CACNA1A: variants seen among roughly 807,000 people sequenced by gnomAD.
The protein encoded by CACNA1A is calcium voltage-gated channel subunit alpha1 A.
In CACNA1A, 57 loss-of-function variants were observed where a neutral mutation model predicts 262.4. That is an observed-to-expected ratio of 0.22 (90% confidence interval 0.18 to 0.27). The LOEUF is 0.27. CACNA1A is among the 10% of genes least tolerant of loss of function. The pLI, the probability that CACNA1A is intolerant of heterozygous loss-of-function variation, is 1.00. For missense variants in CACNA1A, 2,526 were observed against 3,562.8 expected (o/e 0.71, Z 7.41); for synonymous variants, 1,431 against 1,419.3 (o/e 1.01, Z -0.18).
intron 24 of CACNA1A, chr19:13,274,217 A>C (rs2057093669): frequency 6.6e-6 from 1 of 152,200 alleles, no homozygotes; most frequent in Non-Finnish European, 1.5e-5. Flanking sequence ...TTCATGATAC[A>C]TCTCCAGCTC....
At chr19:13,386,488 T>C (rs1359460032) in intron 3 of CACNA1A, among the ~76,000 whole-genome samples, 1 of 152,054 alleles carries the variant, frequency 6.6e-6, no homozygotes, top group Non-Finnish European at 1.5e-5. Context: ...GTAAGTACCT[T>C]AGAACTGAGG....
intron 38 of CACNA1A, among the ~76,000 whole-genome samples, chr19:13,222,699 C>CT (rs536350776): frequency 1.9e-3 from 274 of 142,788 alleles, no homozygotes; most frequent in Non-Finnish European, 2.6e-3. Flanking sequence ...CCGGCCTCAG[C>CT]TTTTTTTTTT....
Position 13,207,805 on chromosome 19 carries a change from G to A in CACNA1A, c.7029C>T (p.Gly2343=). 6.9e-7 allele frequency: 1 copy of A among 1,445,502 alleles called. No homozygotes were observed. The highest frequency in any genetic ancestry group is 9.0e-7 in the Non-Finnish European group (1 of 1,106,794). The allele number at this position is 1,445,502 out of a possible 1,614,324, so 89.5% of individuals were successfully genotyped here. A position where few individuals can be genotyped will look rare whatever the true frequency, so the allele number is the denominator to read the frequency against. Residue 2343 remains glycine (G), a synonymous_variant, in exon 47 of 47, where the codon GGC becomes GGT. Transcript: ENST00000360228. This position sits in a 1 kb window ranked among gnomAD's most constrained non-coding sequence, Gnocchi z 5.7. ...CTCCGGCCAGAGGCTCGGCCGTGGGGCCTGGGTACCTCCGAGGGCCGCTGG... is the reference window on the plus strand; with the variant it reads ...CTCCGGCCAGAGGCTCGGCCGTGGGACCTGGGTACCTCCGAGGGCCGCTGG... ...AATSGPRRYP[G]PTAEPLAGDR...
rs974239326 is a variant in CACNA1A at position 13,372,088 on chromosome 19, T to C, written c.540-309A>G. 2.6e-5 allele frequency among the ~76,000 whole-genome samples: 4 copies of C among 152,114 alleles called. No homozygotes were observed. In the South Asian group the frequency reaches 8.3e-4, roughly 32 times the overall value. Reference sequence around the variant, plus strand: ...ATTCAGTATATTTCACAACCTACAATGACAATAGATTGTGGGGTGGCCTGG... The same window carrying C: ...ATTCAGTATATTTCACAACCTACAACGACAATAGATTGTGGGGTGGCCTGG... On this transcript the variant is annotated intron_variant, in intron 3 of 46. Transcript: ENST00000360228.
chr19:13,505,871 A>T, intron 1 of CACNA1A, 61 bp downstream of exon 1: 1 of 1,523,364 alleles, frequency 6.6e-7, no homozygotes, highest in Non-Finnish European at 9.0e-7. Flanking sequence ...AGCCTGGAAG[A>T]GGGGAGGCGG....
intron 31 of CACNA1A, among the ~76,000 whole-genome samples, chr19:13,240,497 CCAGTGTGTGTACATAGTGACTGTGCA>C (rs1222527586): frequency 6.8e-6 from 1 of 147,268 alleles, no homozygotes; most frequent in Non-Finnish European, 1.5e-5. Flanking sequence ...ACATGCAGTG[CCAGTGTGTGTACATAGTGACTGTGCA>C]CAGTGTGTGT....
chr19:13,376,260 C>T (rs965502404), intron 3 of CACNA1A, among the ~76,000 whole-genome samples: 1 of 152,122 alleles, frequency 6.6e-6, no homozygotes, highest in African/African-American at 2.4e-5. Context: ...GAAGAAGTTG[C>T]CATCTAGGAC....
chr19:13,492,571 C>T (rs1981019920), intron 1 of CACNA1A, among the ~76,000 whole-genome samples: 1 of 152,176 alleles, frequency 6.6e-6, no homozygotes, highest in African/African-American at 2.4e-5. Context: ...GCAAAGACTT[C>T]TCTACCAGGA....
At chr19:13,363,085 G>A (rs2059139418) in intron 5 of CACNA1A, 1 of 152,144 alleles carries the variant, frequency 6.6e-6, no homozygotes, top group Non-Finnish European at 1.5e-5. Context: ...TCGTGAGCTA[G>A]CTTTTCAGTC....
chr19:13,241,547 T>C lies in CACNA1A; in HGVS notation c.4950+3635A>G, dbSNP rs573944100. 6 of 663,930 alleles carry C rather than the reference T, an allele frequency of 9.0e-6. No individual in the cohort carries two copies. The East Asian group carries it at 2.7e-4, about 29-fold the overall frequency. The allele number at this position is 663,930 out of a possible 1,614,324, so 41.1% of individuals were successfully genotyped here. A position where few individuals can be genotyped will look rare whatever the true frequency, so the allele number is the denominator to read the frequency against. On this transcript the variant is annotated intron_variant, in intron 31 of 46. Transcript: ENST00000360228. The surrounding 1 kb of genome is among the most constrained non-coding windows in gnomAD (Gnocchi z 4.0). ...GGATTCTAGATGCAGATGTTGAAGA[T>C]GAGGGGGAGCGGGCGGGCGGGGGCA... is the stretch of plus-strand genomic sequence containing the variant.
chr19:13,253,888 C>A (rs949582145), intron 29 of CACNA1A, among the ~76,000 whole-genome samples: 4 of 152,082 alleles, frequency 2.6e-5, no homozygotes, highest in African/African-American at 9.7e-5. Flanking sequence ...TATAGGCATG[C>A]GCCACCACGC....
chr19:13,361,205 T>A (rs12977265), intron 5 of CACNA1A, among the ~76,000 whole-genome samples: 4 of 152,128 alleles, frequency 2.6e-5, no homozygotes, highest in Non-Finnish European at 5.9e-5. Context: ...GAACAGGAGC[T>A]GAGCTTTCTC....
chr19:13,310,519 G>GT (rs2058012309), intron 12 of CACNA1A, among the ~76,000 whole-genome samples: 8 of 91,656 alleles, frequency 8.7e-5, no homozygotes, highest in African/African-American at 3.5e-4. Flanking sequence ...TATATGTAGA[G>GT]AGAGAGAGAG....
intron 3 of CACNA1A, among the ~76,000 whole-genome samples, chr19:13,442,497 G>T (rs2060741853): frequency 6.6e-6 from 1 of 152,222 alleles, no homozygotes; most frequent in Non-Finnish European, 1.5e-5. Flanking sequence ...GGTGAACTTA[G>T]ACGTAAGCTA....
rs1004672232 is a variant in CACNA1A at position 13,217,895 on chromosome 19, A to T, written c.5732-3287T>A. Among the ~76,000 whole-genome samples the T allele has an allele frequency of 2.0e-5, 3 of 147,250 alleles. 1 individual carries two copies. Among genetic ancestry groups the T allele is most frequent in the Non-Finnish European group, 4.5e-5 (3 of 67,042 alleles). On this transcript the variant is annotated intron_variant, in intron 38 of 46. Transcript: ENST00000360228. ...TGCCTGAAGAGTGTCTTTATTTAGCAGGGGGCCTTGGGCCACACTGTATAG... is the reference window on the plus strand; with the variant it reads ...TGCCTGAAGAGTGTCTTTATTTAGCTGGGGGCCTTGGGCCACACTGTATAG...
chr19:13,333,010 C>A, intron 8 of CACNA1A, 85 bp from the exon 9 acceptor site: 3 of 1,039,400 alleles, frequency 2.9e-6, no homozygotes, highest in Non-Finnish European at 4.4e-6. Flanking sequence ...TGCCCGGCCA[C>A]CCCCATTCTC....
At chr19:13,340,429 T>G (rs1417903203) in intron 6 of CACNA1A, among the ~76,000 whole-genome samples, 1 of 148,814 alleles carries the variant, frequency 6.7e-6, no homozygotes, top group African/African-American at 2.5e-5. Flanking sequence ...GGTCTATTTT[T>G]TTTTTTTTTT....
In CACNA1A at chr19:13,245,164, A is replaced by T. The variant is rs1182347773; in HGVS notation, c.4950+18T>A. On this transcript the variant is annotated intron_variant, in intron 31 of 46. Coordinates refer to ENST00000360228, the MANE Select transcript of CACNA1A (RefSeq NM_001127222.2). ...TCCAGCCCAGAGTCACCCAGAGAGA[A>T]GCTGGAGGGAGACTTACCCCAAACT... is the stretch of plus-strand genomic sequence containing the variant. 6.2e-7 allele frequency: 1 copy of T among 1,602,508 alleles called. No homozygotes were observed. The highest frequency in any genetic ancestry group is 2.2e-5 in the East Asian group (1 of 44,832).
Position 13,308,623 on chromosome 19 carries a change from C to A in CACNA1A, c.1669-95G>T. ...GGTACCAACCTTGCAAGAACTCAAC[C>A]AAACTCCTCCCTCCAAATGGAAGCC... On this transcript the variant is annotated intron_variant, in intron 12 of 46. Transcript: ENST00000360228. The surrounding 1 kb of genome is among the most constrained non-coding windows in gnomAD (Gnocchi z 4.2). 1.5e-6 allele frequency: 1 copy of A among 688,842 alleles called. No individual in the cohort carries two copies. The highest frequency in any genetic ancestry group is 2.5e-6 in the Non-Finnish European group (1 of 405,822). 42.7% of individuals were successfully genotyped at this position (688,842 alleles called of 1,614,324 possible).
Sources: allele counts gnomAD v4.1 joint callset (sites outside exome capture counted in the v4.1 genomes callset), GRCh38; gene constraint gnomAD v4.1.1; non-coding constraint Gnocchi (gnomAD v3.1); transcripts MANE v1.5; gene names NCBI Gene and HGNC (gene_info 2026-07-23, HGNC 2026-07-21).